Variants in SRRM4 observed in about 807,000 individuals in gnomAD.
The protein encoded by SRRM4 is serine/arginine repetitive matrix protein 4.
A neutral mutation model predicts 68.9 loss-of-function variants in SRRM4; 33 were observed. The ratio of observed to expected loss-of-function variants is 0.48; its 90% CI spans 0.36 to 0.64. SRRM4 has a LOEUF of 0.64. Among genes scored for constraint, SRRM4 ranks in the 30% least tolerant of loss-of-function variants. The probability of loss-of-function intolerance (pLI) is 0.00; values close to 1 mark genes in which losing one functional copy is unlikely to be tolerated. For synonymous variants in SRRM4, 318 were observed against 318.8 expected (o/e 1.00, Z 0.03); for missense variants, 817 against 827.1 (o/e 0.99, Z 0.15).
chr12:119,006,296 G>A (rs1201540008), intron 1 of SRRM4, among the ~76,000 whole-genome samples: 1 of 151,814 alleles, frequency 6.6e-6, no homozygotes, highest in African/African-American at 2.4e-5. Context: ...ATGTTAGGGT[G>A]TGAGGCGATG....
intron 1 of SRRM4, among the ~76,000 whole-genome samples, chr12:119,046,580 G>A (rs775065949): frequency 6.6e-6 from 1 of 152,126 alleles, no homozygotes; most frequent in Non-Finnish European, 1.5e-5. Flanking sequence ...CCCAGAGGAG[G>A]GAGAGCATTT....
At position 119,031,473 on chromosome 12, in the gene SRRM4, A is replaced by G. The variant is rs545155379; in HGVS notation, c.131+49460A>G. 5.3e-5 allele frequency among the ~76,000 whole-genome samples: 8 copies of G among 152,290 alleles called. No homozygotes were observed. In the East Asian group the frequency reaches 1.5e-3, roughly 29 times the overall value. On this transcript the variant is annotated intron_variant, in intron 1 of 12. Transcript: ENST00000267260. ...ACTCAAGAGGAGGGGATTATATAAG[A>G]ATGTGAACACCAGAAAGAAGGGATT...
chr12:119,093,836 C>A (rs1438674673), intron 1 of SRRM4, among the ~76,000 whole-genome samples: 2 of 152,166 alleles, frequency 1.3e-5, no homozygotes, highest in African/African-American at 4.8e-5. Context: ...CAATCGAATC[C>A]AATCCACTTC....
At chr12:119,077,494 C>G (rs61937986) in intron 1 of SRRM4, among the ~76,000 whole-genome samples, 34,049 of 152,046 alleles carry the variant, frequency 0.22, 4,656 homozygotes, top group Middle Eastern at 0.42. Flanking sequence ...GTACCTACCT[C>G]ATAACTTCAC....
At chr12:119,021,760 C>G (rs149963833) in intron 1 of SRRM4, among the ~76,000 whole-genome samples, 1 of 152,182 alleles carries the variant, frequency 6.6e-6, no homozygotes, top group Admixed American at 6.5e-5. Context: ...GACATGGTCT[C>G]GTTCCTTTTT....
Position 119,156,701 on chromosome 12 carries a change from G to A in SRRM4, c.1739G>A (p.Arg580His), listed in dbSNP as rs1181422252. 1 of 1,549,244 alleles carries A rather than the reference G, an allele frequency of 6.5e-7. No individual in the cohort carries two copies. The highest frequency in any genetic ancestry group is 8.7e-7 in the Non-Finnish European group (1 of 1,147,556). Residue 580 changes from arginine to histidine, a missense_variant, in exon 13 of 13, where the codon CGC becomes CAC. By Grantham distance (29) the Arg-to-His change is conservative. Coordinates refer to ENST00000267260, the MANE Select transcript of SRRM4 (RefSeq NM_194286.4). Reference protein sequence around the residue: ...SSSRSPSPGSRSRSRSRSRSR... With the variant: ...SSSRSPSPGSHSRSRSRSRSR... ...TCCCGCAGCCCTAGTCCGGGCTCCCGCAGCCGGAGCCGGAGCAGGAGCCGG... is the reference window on the plus strand; with the variant it reads ...TCCCGCAGCCCTAGTCCGGGCTCCCACAGCCGGAGCCGGAGCAGGAGCCGG...
chr12:119,109,589 C>T (rs1404533837), intron 2 of SRRM4, among the ~76,000 whole-genome samples: 1 of 152,186 alleles, frequency 6.6e-6, no homozygotes, highest in Non-Finnish European at 1.5e-5. Context: ...CACTGATACC[C>T]TTTCTTCCAC....
At chr12:119,009,824 C>G (rs980993048) in intron 1 of SRRM4, among the ~76,000 whole-genome samples, 1 of 152,124 alleles carries the variant, frequency 6.6e-6, no homozygotes, top group East Asian at 1.9e-4. Context: ...CAACTAACTA[C>G]AAAAAGGGTA....
At chr12:119,000,039 G>GA (rs1482031388) in intron 1 of SRRM4, among the ~76,000 whole-genome samples, 15 of 152,128 alleles carry the variant, frequency 9.9e-5, no homozygotes, top group African/African-American at 2.9e-4. Context: ...TATGACACAT[G>GA]ATGTTTTGTA....
At chr12:119,062,082 C>T (rs1226164517) in intron 1 of SRRM4, among the ~76,000 whole-genome samples, 1 of 152,198 alleles carries the variant, frequency 6.6e-6, no homozygotes, top group Non-Finnish European at 1.5e-5. Context: ...GCTTGCTGCA[C>T]CTAGGCTACC....
chr12:119,112,315 G>C (rs1409088432), intron 2 of SRRM4, among the ~76,000 whole-genome samples: 1 of 152,200 alleles, frequency 6.6e-6, no homozygotes, highest in Admixed American at 6.5e-5. Flanking sequence ...TGCTGGTGAG[G>C]TTGTACAGAA....
rs1057320199 is a variant in SRRM4, at chr12:119,025,593, T to A, written c.131+43580T>A. Among the ~76,000 whole-genome samples the A allele has an allele frequency of 4.7e-5, 7 of 150,490 alleles. No homozygotes were observed. In the East Asian group the frequency reaches 1.4e-3, roughly 29 times the overall value. ...CCGAGTAGCTGGGATTACAGGCATG[T>A]GCCACCATGACCAGCTAATTTTGTA... On this transcript the variant is annotated intron_variant, in intron 1 of 12. Coordinates refer to ENST00000267260, the MANE Select transcript of SRRM4 (RefSeq NM_194286.4).
chr12:118,991,036 C>T (rs193298950), intron 1 of SRRM4, among the ~76,000 whole-genome samples: 2 of 152,262 alleles, frequency 1.3e-5, no homozygotes, highest in African/African-American at 4.8e-5. Flanking sequence ...AACTCCTGAC[C>T]TCAGGTGATC....
In SRRM4 at chr12:119,137,497, G is replaced by A. The variant is rs535055870; in HGVS notation, c.771+6663G>A. Among the ~76,000 whole-genome samples, 11 of 152,132 alleles carry A rather than the reference G, an allele frequency of 7.2e-5. No individual in the cohort carries two copies. The East Asian group carries it at 1.4e-3, about 19-fold the overall frequency. On this transcript the variant is annotated intron_variant, in intron 8 of 12. Coordinates refer to ENST00000267260, the MANE Select transcript of SRRM4 (RefSeq NM_194286.4). ...GTGAAACGCCAGGGAGCTGGAGTTC[G>A]TGGTGGGGGGATTTAACTACTTATT...
At chr12:119,081,863 A>G (rs7973439) in intron 1 of SRRM4, among the ~76,000 whole-genome samples, 87,036 of 152,184 alleles carry the variant, frequency 0.57, 25,897 homozygotes, top group Middle Eastern at 0.76. Context: ...CAAGGACAAC[A>G]CCAAGGTTAC....
intron 2 of SRRM4, among the ~76,000 whole-genome samples, chr12:119,102,711 A>G (rs190287642): frequency 1.6e-3 from 237 of 152,296 alleles, no homozygotes; most frequent in South Asian, 3.9e-3. Flanking sequence ...AGCAAGCCCT[A>G]CCTTAAATGA....
chr12:118,993,060 G>A (rs1953326762), intron 1 of SRRM4, among the ~76,000 whole-genome samples: 1 of 152,168 alleles, frequency 6.6e-6, no homozygotes, highest in South Asian at 2.1e-4. Context: ...TATTGATCTT[G>A]TTTGATCCTC....
chr12:119,144,639 GAC>G (rs1272893681), intron 8 of SRRM4: 3 of 152,144 alleles, frequency 2.0e-5, no homozygotes, highest in Admixed American at 2.0e-4. Flanking sequence ...AGGGGAAAAG[GAC>G]ACACACAAAT....
intron 1 of SRRM4, among the ~76,000 whole-genome samples, chr12:119,063,888 G>GCCTCTC (rs974883132): frequency 6.6e-6 from 1 of 152,170 alleles, no homozygotes; most frequent in Non-Finnish European, 1.5e-5. Context: ...GGGAAATTGA[G>GCCTCTC]ATCAGTGGAG....
Sources: allele counts gnomAD v4.1 joint callset (sites outside exome capture counted in the v4.1 genomes callset), GRCh38; gene constraint gnomAD v4.1.1; transcripts MANE v1.5; gene names NCBI Gene and HGNC (gene_info 2026-07-23, HGNC 2026-07-21).